Variants in KDM4C observed in about 807,000 individuals in gnomAD.
KDM4C encodes lysine-specific demethylase 4C.
Under a neutral mutation model 129.3 loss-of-function variants are expected in KDM4C, and 81 were observed. The observed-to-expected ratio is 0.63, with a 90% CI of 0.52 to 0.75. The LOEUF is 0.75. Ranked by LOEUF, KDM4C falls within the 30% of genes least tolerant of loss-of-function variation. The pLI is 0.00. For synonymous variants in KDM4C, 573 were observed against 456.1 expected (o/e 1.26, Z -3.26); for missense variants, 1,457 against 1,304.0 (o/e 1.12, Z -1.81).
At chr9:6,789,791 G>A (rs1414688856) in intron 1 of KDM4C, among the ~76,000 whole-genome samples, 1 of 152,040 alleles carries the variant, frequency 6.6e-6, no homozygotes, top group Non-Finnish European at 1.5e-5. Flanking sequence ...AATGTAGCCT[G>A]GAAGGTTTTT....
At chr9:6,950,050 T>C (rs1044367638) in intron 8 of KDM4C, among the ~76,000 whole-genome samples, 1 of 146,108 alleles carries the variant, frequency 6.8e-6, no homozygotes, top group African/African-American at 2.5e-5. Context: ...TGGTTTTTTT[T>C]TTTTTTTTGG....
intron 12 of KDM4C, among the ~76,000 whole-genome samples, chr9:6,998,458 C>T (rs1001220760): frequency 6.6e-6 from 1 of 152,214 alleles, no homozygotes; most frequent in Non-Finnish European, 1.5e-5. Context: ...AATTTGATTA[C>T]TTCCTTAAAT....
chr9:6,721,350 C>G (rs906560853), intron 1 of KDM4C, among the ~76,000 whole-genome samples: 3 of 135,412 alleles, frequency 2.2e-5, no homozygotes, highest in African/African-American at 8.3e-5. Context: ...GTGGCGCAAT[C>G]TGGGCTCACT....
chr9:7,174,751 C>T lies in KDM4C; in HGVS notation c.*22C>T, dbSNP rs1451947060. The T allele has an allele frequency of 5.0e-6, 8 of 1,603,690 alleles. No homozygotes were observed. The highest frequency in any genetic ancestry group is 1.7e-5 in the Admixed American group (1 of 59,770). ...GTAGTCTGCATACATCGCTGCAGGC[C>T]ACAGAGCAGCTTGGGTTGGAAGAGA... On this transcript the variant is annotated 3_prime_UTR_variant, in exon 22 of 22. Coordinates refer to ENST00000381309, the MANE Select transcript of KDM4C (RefSeq NM_015061.6).
chr9:6,780,369 T>TA (rs1231820270), intron 1 of KDM4C, among the ~76,000 whole-genome samples: 1 of 151,244 alleles, frequency 6.6e-6, no homozygotes, highest in Admixed American at 6.6e-5. Context: ...AGTAAAAAGT[T>TA]AAGAGATCGG....
chr9:6,947,458 A>G (rs1186334727), intron 8 of KDM4C, among the ~76,000 whole-genome samples: 2 of 152,134 alleles, frequency 1.3e-5, no homozygotes, highest in East Asian at 3.8e-4. Flanking sequence ...GTTAATCATA[A>G]CTACCAGTCT....
intron 17 of KDM4C, among the ~76,000 whole-genome samples, chr9:7,102,284 T>C (rs1405985479): frequency 6.7e-6 from 1 of 150,190 alleles, no homozygotes; most frequent in Non-Finnish European, 1.5e-5. Flanking sequence ...TTTACAAACT[T>C]GGCTCTTGCA....
intron 2 of KDM4C, among the ~76,000 whole-genome samples, chr9:6,794,799 A>C (rs1021795345): frequency 6.6e-6 from 1 of 152,144 alleles, no homozygotes; most frequent in Non-Finnish European, 1.5e-5. Flanking sequence ...GCCCCGAGTC[A>C]TAGGGGTGGT....
At chr9:6,747,339 A>G (rs964579792) in intron 1 of KDM4C, among the ~76,000 whole-genome samples, 1 of 151,674 alleles carries the variant, frequency 6.6e-6, no homozygotes, top group East Asian at 1.9e-4. Flanking sequence ...CGAGGTCAGG[A>G]GATCGAGACC....
chr9:6,920,836 G>A (rs1331872629), intron 8 of KDM4C, among the ~76,000 whole-genome samples: 2 of 152,096 alleles, frequency 1.3e-5, no homozygotes, highest in East Asian at 3.9e-4. Context: ...TCTTTGAAAG[G>A]GACTGGGGCC....
At chr9:6,721,610 A>C (rs540700858) in intron 1 of KDM4C, among the ~76,000 whole-genome samples, 3 of 120,002 alleles carry the variant, frequency 2.5e-5, no homozygotes, top group African/African-American at 9.8e-5. Flanking sequence ...TTTTCCTGAG[A>C]CGGAGTCTCG....
chr9:7,003,389 T>C (rs1019379512), intron 12 of KDM4C, among the ~76,000 whole-genome samples: 16 of 152,096 alleles, frequency 1.1e-4, no homozygotes, highest in African/African-American at 3.6e-4. Context: ...CCATAGTTCC[T>C]GGTGAAACCC....
intron 8 of KDM4C, among the ~76,000 whole-genome samples, chr9:6,908,165 A>G (rs1470838369): frequency 6.6e-6 from 1 of 152,220 alleles, no homozygotes. Context: ...ACTATTGTTT[A>G]TATTCCCTTT....
At chr9:7,153,223 G>A (rs562361487) in intron 19 of KDM4C, among the ~76,000 whole-genome samples, 4 of 152,208 alleles carry the variant, frequency 2.6e-5, no homozygotes, top group Non-Finnish European at 4.4e-5. Context: ...CACTTTGGGT[G>A]AGCCACCATG....
intron 4 of KDM4C, among the ~76,000 whole-genome samples, chr9:6,820,201 C>T (rs1192030985): frequency 1.3e-5 from 2 of 152,034 alleles, no homozygotes; most frequent in South Asian, 2.1e-4. Flanking sequence ...TATGAGCAGG[C>T]CTGCATTCAA....
At position 7,061,187 on chromosome 9, in the gene KDM4C, A is replaced by G. The variant is rs7024566; in HGVS notation, c.2424+11987A>G. 9.0e-3 allele frequency among the ~76,000 whole-genome samples: 1,372 copies of G among 152,212 alleles called. 21 individuals carry two copies. Among genetic ancestry groups the G allele is most frequent in the African/African-American group, 0.03 (1,256 of 41,530 alleles). ...TTCTCCCTCCAGTAGTGTTCCATGTATTTTACATACAGTGGTTGGATAGGT... is the reference window on the plus strand; with the variant it reads ...TTCTCCCTCCAGTAGTGTTCCATGTGTTTTACATACAGTGGTTGGATAGGT... On this transcript the variant is annotated intron_variant, in intron 17 of 21. Transcript: ENST00000381309.
chr9:7,154,714 G>A (rs1842997434), intron 19 of KDM4C, among the ~76,000 whole-genome samples: 1 of 152,164 alleles, frequency 6.6e-6, no homozygotes, highest in East Asian at 1.9e-4. Context: ...ACTGATCACA[G>A]CCAAAAGGCC....
At chr9:6,980,320 A>G (rs1171406719) in intron 8 of KDM4C, among the ~76,000 whole-genome samples, 1 of 152,082 alleles carries the variant, frequency 6.6e-6, no homozygotes. Context: ...TGAACTTCTC[A>G]CCTTTACCCC....
chr9:6,790,939 C>T (rs1019796061), intron 1 of KDM4C, among the ~76,000 whole-genome samples: 2 of 152,122 alleles, frequency 1.3e-5, no homozygotes, highest in Non-Finnish European at 1.5e-5. Flanking sequence ...ACTTTGATCT[C>T]CTATAGTCTT....
Sources: allele counts gnomAD v4.1 joint callset (sites outside exome capture counted in the v4.1 genomes callset), GRCh38; gene constraint gnomAD v4.1.1; transcripts MANE v1.5; gene names NCBI Gene and HGNC (gene_info 2026-07-23, HGNC 2026-07-21).